GBE1: variants seen among roughly 807,000 people sequenced by gnomAD.
GBE1 encodes the protein 1,4-alpha-glucan-branching enzyme.
A neutral mutation model predicts 88.8 loss-of-function variants in GBE1; 70 were observed. The ratio of observed to expected loss-of-function variants is 0.79; its 90% CI spans 0.65 to 0.96. The LOEUF is 0.96. Ranked by LOEUF, GBE1 falls within the 40% of genes least tolerant of loss-of-function variation. The pLI, the probability that GBE1 is intolerant of heterozygous loss-of-function variation, is 0.00. For synonymous variants in GBE1, 284 were observed against 300.1 expected, an observed-to-expected ratio of 0.95 and a Z score of 0.56; for missense variants, 872 against 871.0, an observed-to-expected ratio of 1.00 and a Z score of -0.01.
At chr3:81,569,198 A>C (rs1192307220) in intron 12 of GBE1, among the ~76,000 whole-genome samples, 1 of 152,176 alleles carries the variant, frequency 6.6e-6, no homozygotes, top group Non-Finnish European at 1.5e-5. Context: ...TTTAGTTATT[A>C]CTGACATTAG....
intron 3 of GBE1, among the ~76,000 whole-genome samples, chr3:81,659,509 T>A (rs2107094095): frequency 6.7e-6 from 1 of 149,826 alleles, no homozygotes; most frequent in African/African-American, 2.4e-5. Context: ...CTAATTTTTT[T>A]TTTTTTTTTT....
At chr3:81,716,144 AGT>A (rs1705934088) in intron 1 of GBE1, among the ~76,000 whole-genome samples, 1 of 151,920 alleles carries the variant, frequency 6.6e-6, no homozygotes, top group South Asian at 2.1e-4. Context: ...AAAAATTGTT[AGT>A]GTCTTATTTT....
intron 12 of GBE1, among the ~76,000 whole-genome samples, chr3:81,572,506 A>C (rs1223205906): frequency 6.6e-6 from 1 of 152,212 alleles, no homozygotes; most frequent in East Asian, 1.9e-4. Flanking sequence ...AAGTCATTAG[A>C]CATTATTTCA....
chr3:81,528,650 A>G (rs1373090979), intron 14 of GBE1, among the ~76,000 whole-genome samples: 1 of 151,982 alleles, frequency 6.6e-6, no homozygotes, highest in Non-Finnish European at 1.5e-5. Context: ...CTTTATATAT[A>G]TGGATGCTCC....
intron 7 of GBE1, among the ~76,000 whole-genome samples, chr3:81,602,088 C>T (rs1391270349): frequency 6.6e-6 from 1 of 152,114 alleles, no homozygotes; most frequent in Non-Finnish European, 1.5e-5. Context: ...AACAGTTAAT[C>T]TATTCTGAGG....
chr3:81,521,776 T>C (rs1702877449), intron 14 of GBE1, among the ~76,000 whole-genome samples: 1 of 151,580 alleles, frequency 6.6e-6, no homozygotes, highest in Admixed American at 6.6e-5. Flanking sequence ...AGTTTAATGT[T>C]AAATTTGGGA....
At position 81,586,183 on chromosome 3, in the gene GBE1, G is replaced by C. The variant is rs766732933; in HGVS notation, c.1244C>G (p.Ser415Ter). ...PDSITIAEDV[S>*]GMPALCSPIS... ...TGGAGAGCACAGAGCTGGCATTCCT[G>C]ATACATCCTACAACAAAGAACGTCG... The change falls in exon 10 of 16, where the codon TCA becomes TGA. Residue 415 changes from serine (S) to a stop codon, truncating the protein, a stop_gained. Transcript: ENST00000429644. LOFTEE classifies it high-confidence loss of function. 6.2e-7 allele frequency: 1 copy of C among 1,600,542 alleles called. No homozygotes were observed. Among genetic ancestry groups the C allele is most frequent in the South Asian group, 1.1e-5 (1 of 88,326 alleles).
intron 14 of GBE1, among the ~76,000 whole-genome samples, chr3:81,504,572 T>C (rs1184966040): frequency 1.3e-5 from 2 of 152,152 alleles, no homozygotes; most frequent in Admixed American, 6.5e-5. Context: ...AATATTATGA[T>C]TTCTTATTTT....
chr3:81,542,254 T>G (rs1703153173), intron 12 of GBE1, among the ~76,000 whole-genome samples: 1 of 152,138 alleles, frequency 6.6e-6, no homozygotes, highest in South Asian at 2.1e-4. Flanking sequence ...TAATGAAATT[T>G]TATTTAACCA....
At chr3:81,647,933 G>A (rs998105168) in intron 5 of GBE1, among the ~76,000 whole-genome samples, 2 of 152,010 alleles carry the variant, frequency 1.3e-5, no homozygotes, top group African/African-American at 2.4e-5. Context: ...GCTGCTGAAC[G>A]TTCTGCAAGA....
chr3:81,568,343 T>G (rs1337114507), intron 12 of GBE1, among the ~76,000 whole-genome samples: 1 of 152,176 alleles, frequency 6.6e-6, no homozygotes, highest in Non-Finnish European at 1.5e-5. Flanking sequence ...AGACGGGGTT[T>G]CATCACGCTG....
chr3:81,667,033 T>C (rs1272406118), intron 3 of GBE1, among the ~76,000 whole-genome samples: 1 of 152,202 alleles, frequency 6.6e-6, no homozygotes, highest in Admixed American at 6.5e-5. Flanking sequence ...CTGATTGTTA[T>C]TTGAAAATTA....
At chr3:81,497,806 C>A (rs545784586) in intron 15 of GBE1, among the ~76,000 whole-genome samples, 1 of 152,112 alleles carries the variant, frequency 6.6e-6, no homozygotes, top group African/African-American at 2.4e-5. Flanking sequence ...CTTTCCTAAC[C>A]CCTAAGGGCA....
intron 14 of GBE1, among the ~76,000 whole-genome samples, chr3:81,522,243 G>C (rs763532246): frequency 2.0e-5 from 3 of 151,556 alleles, no homozygotes; most frequent in African/African-American, 4.8e-5. Context: ...GTTAGCCTCA[G>C]AGTACAGAAC....
intron 1 of GBE1, among the ~76,000 whole-genome samples, chr3:81,761,105 T>C (rs2107249736): frequency 6.6e-6 from 1 of 152,318 alleles, no homozygotes; most frequent in African/African-American, 2.4e-5. Flanking sequence ...ACGTACCCTA[T>C]GGCGCAAGAC....
At chr3:81,710,529 T>A (rs975933706) in intron 1 of GBE1, among the ~76,000 whole-genome samples, 4 of 152,108 alleles carry the variant, frequency 2.6e-5, no homozygotes, top group African/African-American at 9.7e-5. Context: ...CACGTTCAAA[T>A]CCTAACTCTG....
intron 2 of GBE1, among the ~76,000 whole-genome samples, chr3:81,692,390 A>G (rs1452476356): frequency 6.6e-6 from 1 of 152,188 alleles, no homozygotes; most frequent in African/African-American, 2.4e-5. Context: ...CATATGCTTT[A>G]ACTTTAGAAG....
intron 12 of GBE1, among the ~76,000 whole-genome samples, chr3:81,541,208 A>G (rs1159430008): frequency 6.6e-6 from 1 of 151,864 alleles, no homozygotes; most frequent in East Asian, 1.9e-4. Context: ...AGTTTGACTA[A>G]AACTATCAGA....
intron 14 of GBE1, among the ~76,000 whole-genome samples, chr3:81,520,980 T>G (rs1373155153): frequency 6.6e-6 from 1 of 151,530 alleles, no homozygotes; most frequent in East Asian, 1.9e-4. Context: ...TGCCTCTCAG[T>G]TTTCCAAACG....
Sources: gnomAD v4.1 joint callset for allele counts (sites outside exome capture counted in the v4.1 genomes callset) on GRCh38, gnomAD v4.1.1 for gene constraint, MANE v1.5 for transcripts, NCBI Gene and HGNC (gene_info 2026-07-23, HGNC 2026-07-21) for gene names.